Variants in CDH20 observed in about 807,000 individuals in gnomAD.
CDH20 encodes cadherin 20, also known as cadherin-20.
CDH20 carries 29 observed loss-of-function variants against 74.2 expected under a neutral mutation model. The observed-to-expected ratio is 0.39, with a 90% CI of 0.29 to 0.53. The LOEUF is 0.53. CDH20 is among the 20% of genes least tolerant of loss of function. The pLI, the probability that CDH20 is intolerant of heterozygous loss-of-function variation, is 0.69. For missense variants in CDH20, 988 were observed against 1,048.3 expected (o/e 0.94, Z 0.79); for synonymous variants, 469 against 405.4 (o/e 1.16, Z -1.88).
At chr18:61,477,429 T>C (rs911506987) in intron 1 of CDH20, among the ~76,000 whole-genome samples, 3 of 152,238 alleles carry the variant, frequency 2.0e-5, no homozygotes, top group South Asian at 2.1e-4. Flanking sequence ...GAATAGATTT[T>C]GTACTTATAA....
intron 1 of CDH20, among the ~76,000 whole-genome samples, chr18:61,465,930 T>C (rs1480738055): frequency 6.6e-6 from 1 of 151,928 alleles, no homozygotes; most frequent in Non-Finnish European, 1.5e-5. Flanking sequence ...CATGGTGATA[T>C]AGGCCCGTAG....
intron 1 of CDH20, among the ~76,000 whole-genome samples, chr18:61,350,327 T>A (rs1369101707): frequency 5.3e-5 from 8 of 152,146 alleles, no homozygotes; most frequent in African/African-American, 1.9e-4. Flanking sequence ...AAGCCTTCAT[T>A]CTCTTCCTTT....
At chr18:61,361,736 G>A (rs190312472) in intron 1 of CDH20, among the ~76,000 whole-genome samples, 65 of 152,134 alleles carry the variant, frequency 4.3e-4, no homozygotes, top group Admixed American at 4.1e-3. Flanking sequence ...TAAAACTGTG[G>A]CTTATTTAAA....
At chr18:61,414,155 G>C (rs1468619) in intron 1 of CDH20, among the ~76,000 whole-genome samples, 2 of 152,010 alleles carry the variant, frequency 1.3e-5, no homozygotes, top group Non-Finnish European at 2.9e-5. Flanking sequence ...ACCAAATGTC[G>C]ATGTGGTTGG....
chr18:61,361,977 C>T (rs1910707864), intron 1 of CDH20, among the ~76,000 whole-genome samples: 1 of 152,110 alleles, frequency 6.6e-6, no homozygotes, highest in East Asian at 1.9e-4. Context: ...GGTCTTATAG[C>T]AGCTCTGTTA....
chr18:61,344,644 C>G (rs921093616), intron 1 of CDH20, among the ~76,000 whole-genome samples: 1 of 152,036 alleles, frequency 6.6e-6, no homozygotes, highest in African/African-American at 2.4e-5. Flanking sequence ...GTGCAAATTA[C>G]CATGAGTTAA....
intron 1 of CDH20, among the ~76,000 whole-genome samples, chr18:61,397,592 C>A (rs1214697049): frequency 6.6e-6 from 1 of 152,142 alleles, no homozygotes; most frequent in Non-Finnish European, 1.5e-5. Context: ...TTTTTTGTTT[C>A]TTTCTTGCTC....
Position 61,353,002 on chromosome 18 carries a change from T to C in CDH20, c.-153+19175T>C, listed in dbSNP as rs922137310. ...TTGATATAATAGCTCTTCAAACATATAAACAAAGCCAACATGGTCTCCCAG... is the reference window on the plus strand; with the variant it reads ...TTGATATAATAGCTCTTCAAACATACAAACAAAGCCAACATGGTCTCCCAG... On this transcript the variant is annotated intron_variant, in intron 1 of 11. Coordinates refer to ENST00000262717, the MANE Select transcript of CDH20 (RefSeq NM_031891.4). The surrounding 1 kb of genome is among the most constrained non-coding windows in gnomAD (Gnocchi z 4.6). 1.3e-5 allele frequency among the ~76,000 whole-genome samples: 2 copies of C among 152,156 alleles called. No individual in the cohort carries two copies. Among genetic ancestry groups the C allele is most frequent in the Non-Finnish European group, 2.9e-5 (2 of 68,028 alleles).
At chr18:61,451,798 T>G (rs1039917248) in intron 1 of CDH20, among the ~76,000 whole-genome samples, 1 of 152,130 alleles carries the variant, frequency 6.6e-6, no homozygotes, top group East Asian at 1.9e-4. Flanking sequence ...ACTGAAAAGT[T>G]TACATACTTT....
At chr18:61,396,102 A>G (rs1046530301) in intron 1 of CDH20, among the ~76,000 whole-genome samples, 5 of 149,676 alleles carry the variant, frequency 3.3e-5, no homozygotes, top group African/African-American at 1.2e-4. Flanking sequence ...GGAGAGGTAC[A>G]TCTTGGTAAA....
chr18:61,483,590 C>T (rs1013132989), intron 1 of CDH20, among the ~76,000 whole-genome samples: 1 of 152,180 alleles, frequency 6.6e-6, no homozygotes, highest in Non-Finnish European at 1.5e-5. Context: ...GTATGTATAC[C>T]TATGCCTATT....
chr18:61,460,552 C>T (rs1453216466), intron 1 of CDH20, among the ~76,000 whole-genome samples: 1 of 152,098 alleles, frequency 6.6e-6, no homozygotes, highest in Non-Finnish European at 1.5e-5. Flanking sequence ...CAGCTAATCA[C>T]ATCTCAGAAT....
chr18:61,382,874 C>T (rs77374487), intron 1 of CDH20, among the ~76,000 whole-genome samples: 2,422 of 152,174 alleles, frequency 0.016, 68 homozygotes, highest in African/African-American at 0.055. Context: ...AGGCATCCAC[C>T]GTGTAAGGCA....
intron 9 of CDH20, among the ~76,000 whole-genome samples, chr18:61,543,885 T>C (rs2144401718): frequency 6.6e-6 from 1 of 152,228 alleles, no homozygotes; most frequent in East Asian, 1.9e-4. Context: ...TGAGGTTAAG[T>C]AGATGAGGTG....
At chr18:61,339,932 C>T (rs1283224139) in intron 1 of CDH20, among the ~76,000 whole-genome samples, 8 of 151,952 alleles carry the variant, frequency 5.3e-5, no homozygotes, top group Admixed American at 2.0e-4. Context: ...CCTCGTAATC[C>T]GCCCGCCTCG....
intron 1 of CDH20, among the ~76,000 whole-genome samples, chr18:61,432,316 C>A (rs1913285815): frequency 6.6e-6 from 1 of 151,878 alleles, no homozygotes; most frequent in African/African-American, 2.4e-5. Flanking sequence ...CTGCCCTGAC[C>A]AGCATGCTTT....
At chr18:61,474,683 G>A (rs1385382978) in intron 1 of CDH20, among the ~76,000 whole-genome samples, 3 of 151,940 alleles carry the variant, frequency 2.0e-5, no homozygotes, top group East Asian at 1.9e-4. Context: ...TGTTGGTGCC[G>A]ACACCATGCT....
intron 1 of CDH20, among the ~76,000 whole-genome samples, chr18:61,434,189 G>A (rs1317937869): frequency 2.0e-5 from 3 of 152,048 alleles, no homozygotes; most frequent in Non-Finnish European, 4.4e-5. Flanking sequence ...GTGAAAGGAG[G>A]CCTCATGACA....
intron 1 of CDH20, among the ~76,000 whole-genome samples, chr18:61,395,258 T>A (rs1460025962): frequency 6.6e-6 from 1 of 152,210 alleles, no homozygotes; most frequent in Non-Finnish European, 1.5e-5. Flanking sequence ...CTAGCAGTGG[T>A]GCTTGGCAAA....
Sources: allele counts gnomAD v4.1 joint callset (sites outside exome capture counted in the v4.1 genomes callset), GRCh38; gene constraint gnomAD v4.1.1; non-coding constraint Gnocchi (gnomAD v3.1); transcripts MANE v1.5; gene names NCBI Gene and HGNC (gene_info 2026-07-23, HGNC 2026-07-21).